Variants in LARP4B observed in about 807,000 individuals in gnomAD.
The protein encoded by LARP4B is la-related protein 4B.
A neutral mutation model predicts 89.8 loss-of-function variants in LARP4B; 12 were observed. That is an observed-to-expected ratio of 0.13 (90% CI 0.09 to 0.22). The LOEUF (loss-of-function observed/expected upper bound fraction) is 0.22. Among genes scored for constraint, LARP4B ranks in the 10% least tolerant of loss-of-function variants. The pLI is 1.00. For synonymous variants in LARP4B, 367 were observed against 363.3 expected (o/e 1.01, Z -0.12); for missense variants, 757 against 947.7 (o/e 0.80, Z 2.64).
intron 3 of LARP4B, among the ~76,000 whole-genome samples, chr10:881,266 C>T (rs12255646): frequency 5.1e-4 from 77 of 152,160 alleles, no homozygotes; most frequent in Admixed American, 6.5e-4. Flanking sequence ...CCCTTTCAAT[C>T]CCCTCTCGCC....
chr10:935,020 G>A (rs181572262), upstream of LARP4B, among the ~76,000 whole-genome samples: 14 of 152,298 alleles, frequency 9.2e-5, no homozygotes, highest in East Asian at 2.7e-3. Context: ...AAGTTCTCCT[G>A]TGGAAAGAAG....
At chr10:825,935 A>G in intron 11 of LARP4B, 65 bp from the exon 12 acceptor site, 8 of 1,045,466 alleles carry the variant, frequency 7.7e-6, no homozygotes, top group Non-Finnish European at 1.2e-5. Context: ...CATTAATACC[A>G]ACAAATCTGT....
the LARP4B span, among the ~76,000 whole-genome samples, chr10:957,800 C>CTTTTTT: frequency 3.2e-5 from 4 of 125,104 alleles, no homozygotes; most frequent in Non-Finnish European, 5.0e-5. Context: ...CATTTTCTTT[C>CTTTTTT]TTTTTTTTTT....
intron 5 of LARP4B, among the ~76,000 whole-genome samples, chr10:862,842 T>G (rs980605846): frequency 6.6e-6 from 1 of 152,174 alleles, no homozygotes; most frequent in Non-Finnish European, 1.5e-5. Context: ...AACATCTCCT[T>G]TCCCACCTAC....
At chr10:837,700 C>A (rs916095260) in intron 7 of LARP4B, among the ~76,000 whole-genome samples, 1 of 152,234 alleles carries the variant, frequency 6.6e-6, no homozygotes, top group Non-Finnish European at 1.5e-5. Flanking sequence ...GGTGCTGCAA[C>A]AGATGCACAC....
chr10:915,886 T>TA (rs1231788862), intron 1 of LARP4B, among the ~76,000 whole-genome samples: 4 of 151,456 alleles, frequency 2.6e-5, no homozygotes, highest in African/African-American at 9.7e-5. Context: ...ATTATCTGGC[T>TA]AAATGACTAT....
intron 1 of LARP4B, among the ~76,000 whole-genome samples, chr10:925,998 G>A (rs1017532734): frequency 2.0e-5 from 3 of 152,196 alleles, no homozygotes; most frequent in African/African-American, 7.2e-5. Flanking sequence ...TCTAATGTAT[G>A]CTTTTTGAGT....
intron 11 of LARP4B, among the ~76,000 whole-genome samples, chr10:827,275 C>CAAAAAAAAAAGAAAAAAA (rs58903055): frequency 4.0e-5 from 6 of 151,088 alleles, no homozygotes; most frequent in Admixed American, 2.0e-4. Context: ...GACTCTGTCT[C>CAAAAAAAAAAGAAAAAAA]AAAGAAAAAG....
chr10:943,035 C>T, the LARP4B span, among the ~76,000 whole-genome samples: 1 of 151,628 alleles, frequency 6.6e-6, no homozygotes, highest in African/African-American at 2.4e-5. Context: ...CAGCTTCTGC[C>T]TCCTGGGTTC....
rs759726975 is a variant in LARP4B, at chr10:822,300, C to T, written c.1485-1455G>A. On this transcript the variant is annotated intron_variant, in intron 13 of 17. Coordinates refer to ENST00000316157, the MANE Select transcript of LARP4B (RefSeq NM_015155.3). This position sits in a 1 kb window ranked among gnomAD's most constrained non-coding sequence, Gnocchi z 4.6. ...GCTTGCCCAGAGGCATTGCCCTGAG[C>T]GCTGGACAGAGGGACAGCAGCCACA... 2.0e-5 allele frequency among the ~76,000 whole-genome samples: 3 copies of T among 152,210 alleles called. No homozygotes were observed. The highest frequency in any genetic ancestry group is 4.4e-5 in the Non-Finnish European group (3 of 68,036).
At chr10:955,869 G>A in the LARP4B span, among the ~76,000 whole-genome samples, 228 of 152,136 alleles carry the variant, frequency 1.5e-3, no homozygotes, top group Non-Finnish European at 2.7e-3. The surrounding 1 kb of genome is among the most constrained non-coding windows in gnomAD (Gnocchi z 5.2). Context: ...TTGGAAACCT[G>A]GCCTTGAGTT....
At chr10:978,879 A>G in the LARP4B span, among the ~76,000 whole-genome samples, 1 of 152,238 alleles carries the variant, frequency 6.6e-6, no homozygotes, top group African/African-American at 2.4e-5. Context: ...TCATCCTTAA[A>G]GGATATTTTC....
At chr10:883,210 A>G (rs1161284110) in intron 3 of LARP4B, among the ~76,000 whole-genome samples, 1 of 152,214 alleles carries the variant, frequency 6.6e-6, no homozygotes, top group East Asian at 1.9e-4. Flanking sequence ...ATATTTGGAT[A>G]TTTTTAAAAA....
At position 815,329 on chromosome 10, in the gene LARP4B, A is replaced by G. The variant is rs530807579; in HGVS notation, c.1696-259T>C. ...ATCTCCTCTCCCGCAATGATGATCT[A>G]CAAGCTTATTTCTTAACTGAACAGG... On this transcript the variant is annotated intron_variant, in intron 15 of 17. Transcript: ENST00000316157. 55 of 305,610 alleles carry G rather than the reference A, an allele frequency of 1.8e-4. No individual in the cohort carries two copies. In the South Asian group the frequency reaches 5.2e-3, roughly 29 times the overall value. 18.9% of individuals were successfully genotyped at this position (305,610 alleles called of 1,614,324 possible). A position where few individuals can be genotyped will look rare whatever the true frequency, so the allele number is the denominator to read the frequency against.
In LARP4B at chr10:916,636, A is replaced by C. The variant is rs186802565; in HGVS notation, c.-40+14792T>G. 5.9e-5 allele frequency among the ~76,000 whole-genome samples: 9 copies of C among 152,350 alleles called. No individual in the cohort carries two copies. In the East Asian group the frequency reaches 1.5e-3, roughly 26 times the overall value. On this transcript the variant is annotated intron_variant, in intron 1 of 17. Coordinates refer to ENST00000316157, the MANE Select transcript of LARP4B (RefSeq NM_015155.3). ...CTTGAATCTGTGAGGTGGAGGTTGCAGTGAGCCGAGATCACGCCATTGCAC... is the reference window on the plus strand; with the variant it reads ...CTTGAATCTGTGAGGTGGAGGTTGCCGTGAGCCGAGATCACGCCATTGCAC...
intron 5 of LARP4B, among the ~76,000 whole-genome samples, chr10:859,053 G>T (rs1834452164): frequency 6.6e-6 from 1 of 152,240 alleles, no homozygotes; most frequent in Non-Finnish European, 1.5e-5. Flanking sequence ...TTGGGAGGCT[G>T]AGATGGGCAG....
intron 1 of LARP4B, among the ~76,000 whole-genome samples, chr10:912,118 G>A (rs870692): frequency 0.027 from 4,113 of 152,222 alleles, 96 homozygotes; most frequent in Admixed American, 0.068. Context: ...GTGTTATGGC[G>A]TTTCCCTCCT....
downstream of LARP4B, chr10:809,011 A>C (rs1215478362): frequency 6.6e-6 from 1 of 152,222 alleles, no homozygotes; most frequent in African/African-American, 2.4e-5. Context: ...TTCCATCAGA[A>C]AAAGAGTAAA....
chr10:886,303 A>C (rs1835855478), intron 1 of LARP4B, among the ~76,000 whole-genome samples: 1 of 152,246 alleles, frequency 6.6e-6, no homozygotes, highest in Non-Finnish European at 1.5e-5. Context: ...GACTATTATC[A>C]GTCAGACAAG....
Sources: allele counts gnomAD v4.1 joint callset (sites outside exome capture counted in the v4.1 genomes callset), GRCh38; gene constraint gnomAD v4.1.1; non-coding constraint Gnocchi (gnomAD v3.1); transcripts MANE v1.5; gene names NCBI Gene and HGNC (gene_info 2026-07-23, HGNC 2026-07-21).